The following ACTR3C variants were observed in gnomAD, a reference collection of about 807,000 sequenced individuals.
ACTR3C encodes the protein actin related protein 3C.
In ACTR3C, 18 loss-of-function variants were observed where a neutral mutation model predicts 26.3. The ratio of observed to expected loss-of-function variants is 0.68; its 90% CI spans 0.47 to 1.01. ACTR3C has a LOEUF of 1.01. Ranked by LOEUF, ACTR3C falls within the 50% of genes least tolerant of loss-of-function variation. The pLI, the probability that ACTR3C is intolerant of heterozygous loss-of-function variation, is 0.00. For synonymous variants in ACTR3C, 55 were observed against 94.5 expected, an observed-to-expected ratio of 0.58 and a Z score of 2.42; for missense variants, 184 against 250.7, an observed-to-expected ratio of 0.73 and a Z score of 1.80.
At chr7:149,948,012 G>T in the ACTR3C span, among the ~76,000 whole-genome samples, 1 of 150,770 alleles carries the variant, frequency 6.6e-6, no homozygotes, top group Non-Finnish European at 1.5e-5. Flanking sequence ...GTATCATCCT[G>T]ATTTCCTTAT....
chr7:150,291,751 G>T (rs1030004542), intron 3 of ACTR3C, among the ~76,000 whole-genome samples: 2 of 151,696 alleles, frequency 1.3e-5, no homozygotes, highest in African/African-American at 4.9e-5. Context: ...TCTCAGCAGC[G>T]CAGTTCTCTG....
the ACTR3C span, among the ~76,000 whole-genome samples, chr7:150,145,126 GA>G: frequency 0.21 from 30,331 of 141,626 alleles, 3,971 homozygotes; most frequent in East Asian, 0.48. Flanking sequence ...TAACTGAGTG[GA>G]AAAAAATGGA....
the ACTR3C span, among the ~76,000 whole-genome samples, chr7:150,014,799 C>T: frequency 0.02 from 3,117 of 152,174 alleles, 206 homozygotes; most frequent in East Asian, 0.23. Context: ...CTTTCCATTC[C>T]TGAAATGATT....
the ACTR3C span, among the ~76,000 whole-genome samples, chr7:149,948,290 G>A: frequency 7.9e-6 from 1 of 126,120 alleles, no homozygotes; most frequent in Non-Finnish European, 1.6e-5. Context: ...GGTGACAGAC[G>A]TGGCCATGCC....
the ACTR3C span, among the ~76,000 whole-genome samples, chr7:150,022,465 G>T: frequency 1.3e-5 from 2 of 151,398 alleles, no homozygotes; most frequent in Non-Finnish European, 2.9e-5. Context: ...ATAGTGACTT[G>T]CTTATGAAAG....
the ACTR3C span, among the ~76,000 whole-genome samples, chr7:149,927,494 C>T: frequency 6.6e-6 from 1 of 151,242 alleles, no homozygotes; most frequent in Non-Finnish European, 1.5e-5. Context: ...TTTGGGACGC[C>T]GAGGCAGGCA....
chr7:150,200,632 C>T, the ACTR3C span, among the ~76,000 whole-genome samples: 2 of 152,106 alleles, frequency 1.3e-5, no homozygotes, highest in African/African-American at 4.8e-5. Context: ...TGTTGAAGCC[C>T]TTATATAAAC....
the ACTR3C span, among the ~76,000 whole-genome samples, chr7:149,940,701 G>A: frequency 7.1e-6 from 1 of 141,100 alleles, no homozygotes; most frequent in South Asian, 2.5e-4. Flanking sequence ...AAAGAGATGA[G>A]CTCACCTCCC....
At chr7:150,024,942 G>A in the ACTR3C span, among the ~76,000 whole-genome samples, 8 of 149,812 alleles carry the variant, frequency 5.3e-5, no homozygotes, top group Admixed American at 4.7e-4. Context: ...AAGCGCAGGC[G>A]GCTTTGCAAA....
chr7:149,904,301 G>A, the ACTR3C span, among the ~76,000 whole-genome samples: 23 of 150,616 alleles, frequency 1.5e-4, no homozygotes, highest in African/African-American at 5.6e-4. Context: ...GGGAGCTGAG[G>A]TGGGTGAATC....
chr7:150,294,327 AC>A lies in ACTR3C; in HGVS notation c.46-909del. 5.3e-5 allele frequency among the ~76,000 whole-genome samples: 8 copies of A among 152,300 alleles called. 1 individual carries two copies. The highest frequency in any genetic ancestry group is 5.2e-4 in the Admixed American group (8 of 15,300). ...ACGGCGGCGCCCACAACAAAGGACT[AC>A]CCAGCCCAAAGCACTGAGGGTGGAA... On this transcript the variant is annotated intron_variant, in intron 2 of 7. Transcript: ENST00000683684.
chr7:150,272,588 C>T (rs1834533149), intron 6 of ACTR3C, among the ~76,000 whole-genome samples: 1 of 139,044 alleles, frequency 7.2e-6, no homozygotes. Flanking sequence ...TGTATTCTTT[C>T]CATCTCATCT....
the ACTR3C span, among the ~76,000 whole-genome samples, chr7:149,899,836 A>T: frequency 6.8e-6 from 1 of 146,652 alleles, no homozygotes; most frequent in Non-Finnish European, 1.5e-5. Context: ...TTAACCCGAA[A>T]CAAAACAAAA....
the ACTR3C span, among the ~76,000 whole-genome samples, chr7:150,153,425 C>T: frequency 7.4e-6 from 1 of 135,090 alleles, no homozygotes; most frequent in Non-Finnish European, 1.5e-5. Flanking sequence ...CAGGAAAAGA[C>T]ACTTCTCAAA....
the ACTR3C span, among the ~76,000 whole-genome samples, chr7:150,186,227 G>A: frequency 1.3e-5 from 2 of 152,158 alleles, no homozygotes; most frequent in East Asian, 1.9e-4. Context: ...TGACTAAAAC[G>A]GTCCAGTCCT....
chr7:150,282,877 C>T (rs576537040), intron 6 of ACTR3C, among the ~76,000 whole-genome samples: 1 of 148,362 alleles, frequency 6.7e-6, no homozygotes, highest in Non-Finnish European at 1.5e-5. Context: ...AATCCTCTTC[C>T]CTCCGCATTT....
chr7:150,273,965 G>C (rs1364918132), intron 6 of ACTR3C, among the ~76,000 whole-genome samples: 1 of 152,158 alleles, frequency 6.6e-6, no homozygotes, highest in African/African-American at 2.4e-5. Flanking sequence ...TGAGCACCTC[G>C]CATGGGCCAG....
At chr7:150,112,080 T>A in the ACTR3C span, among the ~76,000 whole-genome samples, 1 of 149,024 alleles carries the variant, frequency 6.7e-6, no homozygotes, top group Non-Finnish European at 1.5e-5. Context: ...TTTTCATGAT[T>A]TCCTATCCAC....
the ACTR3C span, among the ~76,000 whole-genome samples, chr7:149,883,342 C>CA: frequency 6.6e-6 from 1 of 152,186 alleles, no homozygotes; most frequent in Non-Finnish European, 1.5e-5. Flanking sequence ...GTGCCCCCAA[C>CA]ACCATCCCCA....
Sources: gnomAD v4.1 joint callset for allele counts (sites outside exome capture counted in the v4.1 genomes callset) on GRCh38, gnomAD v4.1.1 for gene constraint, MANE v1.5 for transcripts, NCBI Gene and HGNC (gene_info 2026-07-23, HGNC 2026-07-21) for gene names.